The following NELL2 variants were observed in gnomAD, a reference collection of about 807,000 sequenced individuals.
The protein encoded by NELL2 is neural EGFL like 2.
A neutral mutation model predicts 109.6 loss-of-function variants in NELL2; 41 were observed. The ratio of observed to expected loss-of-function variants is 0.37; its 90% CI spans 0.29 to 0.49. NELL2 has a LOEUF of 0.49. NELL2 is among the 20% of genes least tolerant of loss of function. NELL2 has a pLI of 0.98. For missense variants in NELL2, 900 were observed against 1,008.3 expected (o/e 0.89, Z 1.45); for synonymous variants, 355 against 344.7 (o/e 1.03, Z -0.33).
chr12:44,534,230 A>C (rs1313597304), intron 15 of NELL2, among the ~76,000 whole-genome samples: 1 of 152,126 alleles, frequency 6.6e-6, no homozygotes, highest in Non-Finnish European at 1.5e-5. Flanking sequence ...AAATCAGAGA[A>C]ATGAGCTATC....
chr12:44,659,895 C>T (rs1947676820), intron 13 of NELL2, among the ~76,000 whole-genome samples: 1 of 151,982 alleles, frequency 6.6e-6, no homozygotes, highest in Non-Finnish European at 1.5e-5. Context: ...CCTGGGATAA[C>T]AGAAGCAGTA....
intron 3 of NELL2, among the ~76,000 whole-genome samples, chr12:44,787,237 T>C (rs1270330139): frequency 1.4e-5 from 2 of 143,830 alleles, no homozygotes; most frequent in Non-Finnish European, 3.1e-5. Flanking sequence ...AGGTATTATA[T>C]ACTGAAAACA....
chr12:44,780,018 G>C lies in NELL2; in HGVS notation c.340C>G (p.Leu114Val). Reference sequence around the variant, plus strand: ...CGATGGCCACTACTTTCCAGTTCCAGGTACCTGCAGAGAGAAGAGCCACAT... The same window carrying C: ...CGATGGCCACTACTTTCCAGTTCCACGTACCTGCAGAGAGAAGAGCCACAT... ...LSIHHLDHRY[L>V]ELESSGHRNE... Residue 114 changes from leucine (L) to valine (V), a missense_variant, in exon 4 of 20, where the codon CTG becomes GTG. Coordinates refer to ENST00000429094, the MANE Select transcript of NELL2 (RefSeq NM_001145108.2). The C allele has an allele frequency of 6.2e-7, 1 of 1,613,320 alleles. No homozygotes were observed. Among genetic ancestry groups the C allele is most frequent in the Non-Finnish European group, 8.5e-7 (1 of 1,179,556 alleles).
chr12:44,651,488 T>C (rs1338417546), intron 13 of NELL2, among the ~76,000 whole-genome samples: 1 of 152,198 alleles, frequency 6.6e-6, no homozygotes, highest in Non-Finnish European at 1.5e-5. Context: ...TATAATGATA[T>C]ATATATTCTC....
chr12:44,880,140 C>CAGAG (rs59747538), upstream of NELL2, among the ~76,000 whole-genome samples: 607 of 147,504 alleles, frequency 4.1e-3, 7 homozygotes, highest in African/African-American at 0.014. Context: ...CACACACACA[C>CAGAG]AGAGAGAGAG....
chr12:44,639,843 C>T (rs1029500006), intron 13 of NELL2, among the ~76,000 whole-genome samples: 2 of 152,130 alleles, frequency 1.3e-5, no homozygotes, highest in Admixed American at 1.3e-4. Flanking sequence ...GAAATGGAAA[C>T]TCCTTCCATG....
chr12:44,776,095 G>C lies in NELL2; in HGVS notation c.818C>G (p.Thr273Ser), dbSNP rs149917689. ...NRLDQCYCER[T>S]CTMKGTTYRE... ...GTAGGTGGTTCCCTTCATGGTGCAAGTCCTTTCACAATAGCACTGATCCAA... is the reference window on the plus strand; with the variant it reads ...GTAGGTGGTTCCCTTCATGGTGCAACTCCTTTCACAATAGCACTGATCCAA... The change falls in exon 8 of 20, where the codon ACT (threonine) becomes AGT (serine). Residue 273 changes from threonine to serine, a missense_variant. Physicochemically the swap from Thr to Ser is moderately conservative, Grantham distance 58. Around this residue, in one of 4 missense-constraint regions of NELL2, gnomAD observed 292 missense variants for 265.3 expected, o/e 1.10. Transcript: ENST00000429094. The C allele has an allele frequency of 1.9e-6, 3 of 1,613,966 alleles. No homozygotes were observed. The highest frequency in any genetic ancestry group is 2.7e-5 in the African/African-American group (2 of 74,906).
At chr12:44,798,823 A>G (rs113915296) in intron 3 of NELL2, among the ~76,000 whole-genome samples, 42 of 152,100 alleles carry the variant, frequency 2.8e-4, no homozygotes, top group African/African-American at 9.4e-4. Context: ...TCACACAAAT[A>G]GGGTCGCCTG....
intron 9 of NELL2, among the ~76,000 whole-genome samples, chr12:44,719,396 C>T (rs1938653645): frequency 6.6e-6 from 1 of 152,070 alleles, no homozygotes; most frequent in African/African-American, 2.4e-5. Context: ...ATCATCTAAA[C>T]CTATCTAAAA....
At position 44,675,948 on chromosome 12, in the gene NELL2, C is replaced by T. The variant is rs149791310; in HGVS notation, c.1319-10339G>A. 3.9e-5 allele frequency among the ~76,000 whole-genome samples: 6 copies of T among 152,216 alleles called. No homozygotes were observed. In the East Asian group the frequency reaches 9.6e-4, roughly 24 times the overall value. On this transcript the variant is annotated intron_variant, in intron 12 of 19. Coordinates refer to ENST00000429094, the MANE Select transcript of NELL2 (RefSeq NM_001145108.2). ...GCACTCAGGCATGACACTCCCTTTC[C>T]TGCCACATTATACCTAGGATGTCAC...
rs568085119 is a variant in NELL2, at chr12:44,811,281, A to G, written c.335+4705T>C. 1.4e-3 allele frequency among the ~76,000 whole-genome samples: 199 copies of G among 147,328 alleles called. 2 individuals carry two copies. The highest frequency in any genetic ancestry group is 4.6e-3 in the African/African-American group (186 of 40,032). ...CAGGTGCAGCAAACCACCATGGCAC[A>G]TGTATACCTATGTAACAAACCTACA... is the stretch of plus-strand genomic sequence containing the variant. On this transcript the variant is annotated intron_variant, in intron 3 of 19. Coordinates refer to ENST00000429094, the MANE Select transcript of NELL2 (RefSeq NM_001145108.2).
intron 2 of NELL2, among the ~76,000 whole-genome samples, chr12:44,872,074 T>C (rs1333919720): frequency 6.6e-6 from 1 of 152,178 alleles, no homozygotes; most frequent in East Asian, 1.9e-4. Flanking sequence ...ATCCCTCATG[T>C]ACAGAGAGGA....
intron 1 of NELL2, among the ~76,000 whole-genome samples, chr12:44,891,520 GTTA>G (rs1390458656): frequency 2.6e-5 from 4 of 152,162 alleles, no homozygotes; most frequent in African/African-American, 9.7e-5. Context: ...GATCTTCCAT[GTTA>G]TTGTCATTGT....
chr12:44,529,864 T>C (rs1193455538), intron 16 of NELL2, among the ~76,000 whole-genome samples: 1 of 152,204 alleles, frequency 6.6e-6, no homozygotes, highest in Admixed American at 6.5e-5. Context: ...AGGAATTTTG[T>C]TCTAAAGGGG....
chr12:44,897,475 G>A (rs1427289591), intron 1 of NELL2, among the ~76,000 whole-genome samples: 1 of 152,062 alleles, frequency 6.6e-6, no homozygotes, highest in Non-Finnish European at 1.5e-5. Flanking sequence ...AGGGCAAGCA[G>A]AAGCAAAGTG....
intron 12 of NELL2, among the ~76,000 whole-genome samples, chr12:44,682,665 T>C (rs559928631): frequency 1.2e-3 from 178 of 152,358 alleles, no homozygotes; most frequent in African/African-American, 4.2e-3. Context: ...GCACCATTTA[T>C]TAAATAGGGA....
At position 44,838,224 on chromosome 12, in the gene NELL2, A is replaced by G. The variant is rs185913936; in HGVS notation, c.185-22088T>C. ...CCATTATTAAAGGTAATAAACCCCAATGAGAAATATGGTAACAAAATTTGG... is the reference window on the plus strand; with the variant it reads ...CCATTATTAAAGGTAATAAACCCCAGTGAGAAATATGGTAACAAAATTTGG... On this transcript the variant is annotated intron_variant, in intron 2 of 19. Transcript: ENST00000429094. Among the ~76,000 whole-genome samples the G allele has an allele frequency of 5.3e-5, 8 of 152,316 alleles. No homozygotes were observed. The East Asian group carries it at 1.5e-3, about 29-fold the overall frequency.
chr12:44,593,548 G>T lies in NELL2; in HGVS notation c.1663+13621C>A, dbSNP rs563242186. 1.1e-3 allele frequency among the ~76,000 whole-genome samples: 160 copies of T among 152,276 alleles called. 1 individual carries two copies. The highest frequency in any genetic ancestry group is 3.6e-3 in the African/African-American group (148 of 41,550). ...CTATCTTTTCTTTAAAAAAGTGGGT[G>T]AAATAAACATACGTGTACATGTGTC... On this transcript the variant is annotated intron_variant, in intron 15 of 19. Coordinates refer to ENST00000429094, the MANE Select transcript of NELL2 (RefSeq NM_001145108.2).
chr12:44,675,822 A>G (rs1948292958), intron 12 of NELL2, among the ~76,000 whole-genome samples: 1 of 152,128 alleles, frequency 6.6e-6, no homozygotes, highest in African/African-American at 2.4e-5. Flanking sequence ...ACAGGCTTAT[A>G]TAGTTAATGA....
Sources: gnomAD v4.1 joint callset for allele counts (sites outside exome capture counted in the v4.1 genomes callset) on GRCh38, gnomAD v4.1.1 for gene constraint, gnomAD v4.1.1 regional missense constraint, MANE v1.5 for transcripts, NCBI Gene and HGNC (gene_info 2026-07-23, HGNC 2026-07-21) for gene names.